MRPL22: variants seen among roughly 807,000 people sequenced by gnomAD.
The protein encoded by MRPL22 is large ribosomal subunit protein uL22m.
In MRPL22, 27 loss-of-function variants were observed where a neutral mutation model predicts 32.4. That is an observed-to-expected ratio of 0.83 (90% confidence interval 0.61 to 1.15). The LOEUF (loss-of-function observed/expected upper bound fraction) is 1.15. Among genes scored for constraint, MRPL22 ranks in the 50% most tolerant of loss-of-function variants. The probability of loss-of-function intolerance (pLI) is 0.00; values close to 1 mark genes in which losing one functional copy is unlikely to be tolerated. For missense variants in MRPL22, 239 were observed against 260.2 expected (o/e 0.92, Z 0.56); for synonymous variants, 86 against 87.3 (o/e 0.99, Z 0.08).
rs2113017349 is a variant in MRPL22 at position 154,967,073 on chromosome 5, A to G, written c.*176A>G. 1.4e-6 allele frequency: 1 copy of G among 732,030 alleles called. No individual in the cohort carries two copies. Among genetic ancestry groups the G allele is most frequent in the South Asian group, 2.0e-5 (1 of 49,944 alleles). The allele number at this position is 732,030 out of a possible 1,614,324, so 45.3% of individuals were successfully genotyped here. A position where few individuals can be genotyped will look rare whatever the true frequency, so the allele number is the denominator to read the frequency against. ...GCCCATTTCTTTTGAGCCTCTGGGC[A>G]TATTTGTATGCATTTGCGACTTGGA... On this transcript the variant is annotated 3_prime_UTR_variant, in exon 7 of 7. Transcript: ENST00000523037. The surrounding 1 kb of genome is among the most constrained non-coding windows in gnomAD (Gnocchi z 4.7).
At chr5:154,964,519 C>T (rs1331938753) in intron 6 of MRPL22, among the ~76,000 whole-genome samples, 2 of 152,172 alleles carry the variant, frequency 1.3e-5, no homozygotes, top group Non-Finnish European at 2.9e-5. Flanking sequence ...TTCATTTACA[C>T]CTCAGGGTGG....
intron 2 of MRPL22, among the ~76,000 whole-genome samples, chr5:154,947,545 TG>T (rs1273950303): frequency 6.6e-6 from 1 of 152,230 alleles, no homozygotes; most frequent in Non-Finnish European, 1.5e-5. Flanking sequence ...ACAAAGGTTT[TG>T]TTTGCCAAGT....
intron 6 of MRPL22, among the ~76,000 whole-genome samples, chr5:154,963,272 C>A (rs965798892): frequency 6.6e-6 from 1 of 152,148 alleles, no homozygotes; most frequent in Non-Finnish European, 1.5e-5. Flanking sequence ...ATTCATTACA[C>A]CTATTGGGTA....
chr5:154,951,546 T>C (rs2113536341), intron 3 of MRPL22, among the ~76,000 whole-genome samples: 1 of 152,234 alleles, frequency 6.6e-6, no homozygotes, highest in South Asian at 2.1e-4. Flanking sequence ...TTATTATTAT[T>C]ATTATTTTTG....
chr5:154,953,078 G>C (rs1376756708), intron 3 of MRPL22, among the ~76,000 whole-genome samples: 2 of 152,130 alleles, frequency 1.3e-5, no homozygotes, highest in African/African-American at 2.4e-5. Flanking sequence ...GACAGTGAAG[G>C]CTGGGTGTGG....
chr5:154,956,750 T>G, intron 4 of MRPL22: 1 of 338,272 alleles, frequency 3.0e-6, no homozygotes, highest in Non-Finnish European at 5.3e-6. Context: ...AACTGTTGCT[T>G]TTAAGTTTTT....
rs921209330 is a variant in MRPL22 at position 154,967,356 on chromosome 5, C to T, written c.*459C>T. ...TTCAGTGGTACCGTTTTTCCTTTCA[C>T]TGTTGGCACAGGCCAGTGAGTCAAA... On this transcript the variant is annotated 3_prime_UTR_variant, in exon 7 of 7. Transcript: ENST00000523037. This position sits in a 1 kb window ranked among gnomAD's most constrained non-coding sequence, Gnocchi z 4.7. The T allele has an allele frequency of 6.4e-6, 1 of 155,560 alleles. No homozygotes were observed. Among genetic ancestry groups the T allele is most frequent in the African/African-American group, 2.4e-5 (1 of 41,490 alleles). The allele number at this position is 155,560 out of a possible 1,614,324, so 9.6% of individuals were successfully genotyped here. A position where few individuals can be genotyped will look rare whatever the true frequency, so the allele number is the denominator to read the frequency against.
At chr5:154,954,973 A>AT (rs1764612881) in intron 3 of MRPL22, among the ~76,000 whole-genome samples, 3 of 148,188 alleles carry the variant, frequency 2.0e-5, no homozygotes, top group African/African-American at 7.5e-5. Flanking sequence ...TTTTTTTTGT[A>AT]TTTTTAGTAG....
chr5:154,952,343 G>T (rs1764575008), intron 3 of MRPL22, among the ~76,000 whole-genome samples: 1 of 152,116 alleles, frequency 6.6e-6, no homozygotes, highest in Non-Finnish European at 1.5e-5. Flanking sequence ...ATAGTTAGTA[G>T]TATGTCATCT....
chr5:154,962,208 A>T (rs1764714926), intron 6 of MRPL22, among the ~76,000 whole-genome samples: 1 of 152,176 alleles, frequency 6.6e-6, no homozygotes, highest in African/African-American at 2.4e-5. Flanking sequence ...CAGACATTTT[A>T]TCCCTGTATT....
intron 2 of MRPL22, among the ~76,000 whole-genome samples, chr5:154,948,884 T>A (rs1764525425): frequency 6.6e-6 from 1 of 152,236 alleles, no homozygotes; most frequent in South Asian, 2.1e-4. Flanking sequence ...GTAATTAATT[T>A]GTATTTTTCC....
At chr5:154,954,758 C>T (rs933581571) in intron 3 of MRPL22, among the ~76,000 whole-genome samples, 1 of 152,136 alleles carries the variant, frequency 6.6e-6, no homozygotes, top group Admixed American at 6.5e-5. Flanking sequence ...AATTATCCCA[C>T]CACAAGAATG....
At chr5:154,962,934 TTTAC>T (rs945464403) in intron 6 of MRPL22, among the ~76,000 whole-genome samples, 63 of 152,274 alleles carry the variant, frequency 4.1e-4, no homozygotes, top group East Asian at 7.7e-4. Context: ...TGTATATATA[TTTAC>T]TTACTTATTT....
At chr5:154,951,304 A>G (rs1161914130) in intron 3 of MRPL22, among the ~76,000 whole-genome samples, 1 of 152,018 alleles carries the variant, frequency 6.6e-6, no homozygotes, top group Non-Finnish European at 1.5e-5. Flanking sequence ...CCAGTGTTAT[A>G]TATTTGAATA....
chr5:154,964,535 T>C (rs1230026349), intron 6 of MRPL22, among the ~76,000 whole-genome samples: 2 of 152,218 alleles, frequency 1.3e-5, no homozygotes, highest in African/African-American at 4.8e-5. Context: ...GGTGGCTGTG[T>C]TGGGTATTCC....
intron 5 of MRPL22, chr5:154,959,074 C>G (rs1260515162): frequency 6.6e-6 from 1 of 152,062 alleles, no homozygotes; most frequent in African/African-American, 2.4e-5. Flanking sequence ...CTCCATTGCC[C>G]AGGGCTGGAG....
chr5:154,952,029 C>T (rs1176117222), intron 3 of MRPL22, among the ~76,000 whole-genome samples: 2 of 151,866 alleles, frequency 1.3e-5, no homozygotes, highest in Admixed American at 1.3e-4. Flanking sequence ...ACTACAGGCG[C>T]CTGCCACCAT....
chr5:154,942,979 A>G (rs1764439925), intron 2 of MRPL22, among the ~76,000 whole-genome samples: 1 of 152,176 alleles, frequency 6.6e-6, no homozygotes, highest in Non-Finnish European at 1.5e-5. Flanking sequence ...CTCTAAGGCT[A>G]TTTGCAATTC....
At chr5:154,965,363 A>G (rs1019284133) in intron 6 of MRPL22, among the ~76,000 whole-genome samples, 1 of 152,136 alleles carries the variant, frequency 6.6e-6, no homozygotes, top group African/African-American at 2.4e-5. Context: ...AAAATAGTAG[A>G]AGGTAGATGG....
Sources: gnomAD v4.1 joint callset for allele counts (sites outside exome capture counted in the v4.1 genomes callset) on GRCh38, gnomAD v4.1.1 for gene constraint, Gnocchi (gnomAD v3.1) non-coding constraint, MANE v1.5 for transcripts, NCBI Gene and HGNC (gene_info 2026-07-23, HGNC 2026-07-21) for gene names.